Variants in TSHZ3 observed in about 807,000 individuals in gnomAD.
TSHZ3 encodes the protein teashirt zinc finger homeobox 3.
TSHZ3 carries 10 observed loss-of-function variants against 64.5 expected under a neutral mutation model. That is an observed-to-expected ratio of 0.16 (90% CI 0.10 to 0.26). TSHZ3 has a LOEUF of 0.26. Ranked by LOEUF, TSHZ3 falls within the 10% of genes least tolerant of loss-of-function variation. The pLI is 1.00. For synonymous variants in TSHZ3, 608 were observed against 593.1 expected (o/e 1.03, Z -0.36); for missense variants, 1,242 against 1,421.7 (o/e 0.87, Z 2.03).
intron 1 of TSHZ3, among the ~76,000 whole-genome samples, chr19:31,348,537 T>G (rs1397705511): frequency 3.6e-5 from 5 of 137,298 alleles, no homozygotes; most frequent in South Asian, 4.6e-4. Context: ...TATGCGGAGA[T>G]GAGGGTGGGA....
At chr19:31,317,744 A>G (rs192240489) in intron 1 of TSHZ3, among the ~76,000 whole-genome samples, 1 of 152,324 alleles carries the variant, frequency 6.6e-6, no homozygotes, top group Non-Finnish European at 1.5e-5. Context: ...CTTGGCTTTC[A>G]TTAACTTTCC....
intron 5 of TSHZ3, among the ~76,000 whole-genome samples, chr19:31,166,564 C>T (rs1044360698): frequency 1.3e-5 from 2 of 152,180 alleles, no homozygotes; most frequent in African/African-American, 4.8e-5. Context: ...TATCCCTCCT[C>T]CACTGGATGC....
chr19:31,343,110 A>G (rs1917484336), intron 1 of TSHZ3, among the ~76,000 whole-genome samples: 1 of 152,192 alleles, frequency 6.6e-6, no homozygotes, highest in Non-Finnish European at 1.5e-5. Context: ...AGGAGTTGGT[A>G]AGTTCCTTGT....
chr19:31,189,088 T>C (rs554061499), intron 5 of TSHZ3, among the ~76,000 whole-genome samples: 14 of 152,048 alleles, frequency 9.2e-5, no homozygotes, highest in Non-Finnish European at 1.5e-5. Context: ...TATTTATACT[T>C]TTAATGTCTG....
At chr19:31,300,183 A>T (rs865930436) in intron 1 of TSHZ3, among the ~76,000 whole-genome samples, 28 of 152,236 alleles carry the variant, frequency 1.8e-4, no homozygotes, top group Middle Eastern at 3.4e-3. Flanking sequence ...CCTCTGATAA[A>T]TGTGGGCTTT....
rs534662259 is a variant in TSHZ3 at position 31,246,537 on chromosome 19, A to G, written n.64-3662T>C. ...AAAATTGGAAAGGGGAGGAGGAGACAGAATAAGCCCTAAGGTGCTGGATTG... is the reference window on the plus strand; with the variant it reads ...AAAATTGGAAAGGGGAGGAGGAGACGGAATAAGCCCTAAGGTGCTGGATTG... On this transcript the variant is annotated intron_variant and non_coding_transcript_variant, in intron 1 of 6. Transcript: ENST00000651361. Among the ~76,000 whole-genome samples the G allele has an allele frequency of 1.3e-4, 20 of 152,340 alleles. No individual in the cohort carries two copies. In the East Asian group the frequency reaches 3.9e-3, roughly 29 times the overall value.
At chr19:31,263,570 G>C (rs1473892476) in intron 1 of TSHZ3, among the ~76,000 whole-genome samples, 2 of 152,206 alleles carry the variant, frequency 1.3e-5, no homozygotes, top group African/African-American at 4.8e-5. Context: ...GACTTATTGG[G>C]GGAGGGACTT....
chr19:31,187,267 A>G (rs1274342501), intron 5 of TSHZ3, among the ~76,000 whole-genome samples: 1 of 152,176 alleles, frequency 6.6e-6, no homozygotes, highest in Non-Finnish European at 1.5e-5. Context: ...GAATCACACC[A>G]TATGTAACCT....
intron 5 of TSHZ3, among the ~76,000 whole-genome samples, chr19:31,204,182 G>T (rs1482009401): frequency 1.3e-5 from 2 of 151,638 alleles, no homozygotes; most frequent in Non-Finnish European, 2.9e-5. Flanking sequence ...GATGAGATTT[G>T]GGTGGGGACA....
chr19:31,168,360 C>A (rs1392828423), intron 5 of TSHZ3, among the ~76,000 whole-genome samples: 4 of 152,118 alleles, frequency 2.6e-5, no homozygotes, highest in East Asian at 3.9e-4. Flanking sequence ...CAGAGCACTG[C>A]ATTATCTGTC....
At position 31,167,149 on chromosome 19, in the gene TSHZ3, A is replaced by G. The variant is rs1008418994; in HGVS notation, n.810-10732T>C. Among the ~76,000 whole-genome samples, 14 of 152,318 alleles carry G rather than the reference A, an allele frequency of 9.2e-5. No homozygotes were observed. In the East Asian group the frequency reaches 2.7e-3, roughly 29 times the overall value. ...AAATGTGATTTCTTCCTTTGCATCTATATATTTAAATGAGAAAAGTAAACC... is the reference window on the plus strand; with the variant it reads ...AAATGTGATTTCTTCCTTTGCATCTGTATATTTAAATGAGAAAAGTAAACC... On this transcript the variant is annotated intron_variant and non_coding_transcript_variant, in intron 5 of 6. Coordinates refer to the TSHZ3 transcript ENST00000651361.
At chr19:31,297,464 C>A (rs548642778) in intron 1 of TSHZ3, among the ~76,000 whole-genome samples, 1 of 152,150 alleles carries the variant, frequency 6.6e-6, no homozygotes, top group South Asian at 2.1e-4. Context: ...AGTTCTACAA[C>A]CTCGATTTTC....
At chr19:31,297,387 ACC>A (rs1976681815) in intron 1 of TSHZ3, among the ~76,000 whole-genome samples, 1 of 151,502 alleles carries the variant, frequency 6.6e-6, no homozygotes, top group African/African-American at 2.4e-5. Flanking sequence ...TAAGATAACT[ACC>A]AAGAGTAAGG....
intron 4 of TSHZ3, among the ~76,000 whole-genome samples, chr19:31,207,034 A>G (rs1159108791): frequency 6.6e-6 from 1 of 152,204 alleles, no homozygotes; most frequent in Non-Finnish European, 1.5e-5. Flanking sequence ...ATTTTTCTTT[A>G]AGACTAGGCG....
intron 4 of TSHZ3, among the ~76,000 whole-genome samples, chr19:31,217,591 T>C (rs1259616967): frequency 6.6e-6 from 1 of 152,084 alleles, no homozygotes; most frequent in Non-Finnish European, 1.5e-5. Flanking sequence ...CCTCCTCCAT[T>C]ATCGACAGCC....
intron 5 of TSHZ3, among the ~76,000 whole-genome samples, chr19:31,191,628 G>A (rs1223948799): frequency 6.6e-6 from 1 of 152,100 alleles, no homozygotes; most frequent in Non-Finnish European, 1.5e-5. Flanking sequence ...AGGCTGAGGT[G>A]GGAGGTTCAC....
rs76911850 is a variant in TSHZ3, at chr19:31,240,352, A to G, written n.550+1917T>C. Among the ~76,000 whole-genome samples the G allele has an allele frequency of 6.1e-3, 932 of 152,320 alleles. 4 individuals are homozygous for G. Among genetic ancestry groups the G allele is most frequent in the Non-Finnish European group, 0.011 (748 of 68,012 alleles). ...TGACACACATAAAAACAAAAATACC[A>G]TAACACATTAAAATAAAAAAGATAG... is the stretch of plus-strand genomic sequence containing the variant. On this transcript the variant is annotated intron_variant and non_coding_transcript_variant, in intron 3 of 6. Transcript: ENST00000651361.
chr19:31,180,281 T>C (rs1191174475), intron 5 of TSHZ3, among the ~76,000 whole-genome samples: 5 of 152,156 alleles, frequency 3.3e-5, no homozygotes, highest in Non-Finnish European at 2.9e-5. Flanking sequence ...AGTCTGTGAC[T>C]TCCAGTCCTA....
chr19:31,157,451 A>G (rs1222345792), intron 5 of TSHZ3, among the ~76,000 whole-genome samples: 1 of 152,224 alleles, frequency 6.6e-6, no homozygotes, highest in Non-Finnish European at 1.5e-5. Context: ...CTCAGTAGGT[A>G]TAATAGATAC....
Sources: gnomAD v4.1 joint callset for allele counts (sites outside exome capture counted in the v4.1 genomes callset) on GRCh38, gnomAD v4.1.1 for gene constraint, MANE v1.5 for transcripts, NCBI Gene and HGNC (gene_info 2026-07-23, HGNC 2026-07-21) for gene names.